PTPN4: variants seen among roughly 807,000 people sequenced by gnomAD.
PTPN4 encodes tyrosine-protein phosphatase non-receptor type 4.
Under a neutral mutation model 135.5 loss-of-function variants are expected in PTPN4, and 49 were observed. The ratio of observed to expected loss-of-function variants is 0.36; its 90% CI spans 0.29 to 0.46. The LOEUF is 0.46. PTPN4 is among the 20% of genes least tolerant of loss of function. PTPN4 has a pLI of 1.00. For missense variants in PTPN4, 860 were observed against 1,101.0 expected (o/e 0.78, Z 3.10); for synonymous variants, 333 against 369.9 (o/e 0.90, Z 1.14).
chr2:119,923,760 A>G (rs1374528268), intron 12 of PTPN4, among the ~76,000 whole-genome samples: 3 of 152,140 alleles, frequency 2.0e-5, no homozygotes, highest in Admixed American at 6.5e-5. Context: ...TATAGAAACA[A>G]TTCTTGACAA....
rs1574375914 is a variant in PTPN4 at position 119,862,471 on chromosome 2, T to C, written c.139-65T>C. On this transcript the variant is annotated intron_variant, in intron 2 of 26. Coordinates refer to ENST00000263708, the MANE Select transcript of PTPN4 (RefSeq NM_002830.4). ...TAGATGAGGACAAAAGTCAACCAGG[T>C]TAAAAAATGTGAAGAATGTAACCTA... 3.4e-6 allele frequency: 5 copies of C among 1,449,570 alleles called. No homozygotes were observed. The East Asian group carries it at 1.1e-4, about 33-fold the overall frequency. 89.8% of individuals were successfully genotyped at this position (1,449,570 alleles called of 1,614,324 possible).
At chr2:119,879,092 G>GA (rs11433216) in intron 5 of PTPN4, among the ~76,000 whole-genome samples, 40,169 of 119,140 alleles carry the variant, frequency 0.34, 5,939 homozygotes, top group African/African-American at 0.4. Context: ...GACTCCGTCT[G>GA]AAAAAAAAAA....
At chr2:119,939,532 C>T (rs528318324) in intron 15 of PTPN4, among the ~76,000 whole-genome samples, 1 of 152,276 alleles carries the variant, frequency 6.6e-6, no homozygotes, top group South Asian at 2.1e-4. Context: ...AACTCCTGGG[C>T]TCTAGTGATC....
intron 9 of PTPN4, among the ~76,000 whole-genome samples, chr2:119,886,918 A>C (rs1274553028): frequency 1.3e-5 from 2 of 151,806 alleles, no homozygotes; most frequent in South Asian, 4.1e-4. Flanking sequence ...TCTGAGTGTT[A>C]CTTGGAAATC....
intron 2 of PTPN4, among the ~76,000 whole-genome samples, chr2:119,840,182 T>G (rs1341370942): frequency 6.6e-6 from 1 of 152,186 alleles, no homozygotes; most frequent in Non-Finnish European, 1.5e-5. Flanking sequence ...TGTGCCATGG[T>G]GGTTTGCTGC....
rs995910447 is a variant in PTPN4 at position 119,873,179 on chromosome 2, TTTG to T, written c.247-4129_247-4127del. On this transcript the variant is annotated intron_variant, in intron 3 of 26. Transcript: ENST00000263708. ...GCTAATTTTTTCTGGGTTTTTTTTT[TTTG>T]TTGTTGTTGTTGTTTTTTTTGTAGA... Among the ~76,000 whole-genome samples, 26 of 151,394 alleles carry T rather than the reference TTTG, an allele frequency of 1.7e-4. No individual in the cohort carries two copies. The East Asian group carries it at 4.5e-3, about 26-fold the overall frequency.
chr2:119,775,650 T>C (rs1690821743), intron 1 of PTPN4, among the ~76,000 whole-genome samples: 2 of 152,166 alleles, frequency 1.3e-5, no homozygotes, highest in South Asian at 4.1e-4. Context: ...GATTACAGTA[T>C]TGAAGATGCC....
At chr2:119,777,981 A>G (rs553849987) in intron 1 of PTPN4, among the ~76,000 whole-genome samples, 1 of 152,280 alleles carries the variant, frequency 6.6e-6, no homozygotes, top group South Asian at 2.1e-4. Context: ...TGAAGGAAGT[A>G]TAAAAACTCT....
At chr2:119,976,083 C>T (rs2105069070) in intron 26 of PTPN4, among the ~76,000 whole-genome samples, 1 of 151,468 alleles carries the variant, frequency 6.6e-6, no homozygotes, top group Non-Finnish European at 1.5e-5. Flanking sequence ...GCAAGCTCCG[C>T]CTCCCAGGTT....
chr2:119,904,529 G>C (rs7573792), intron 10 of PTPN4, among the ~76,000 whole-genome samples: 56 of 151,862 alleles, frequency 3.7e-4, no homozygotes, highest in African/African-American at 1.3e-3. Flanking sequence ...ACGTAGAGAC[G>C]TTAAGATACC....
At chr2:119,965,439 GT>G (rs1679432536) in intron 24 of PTPN4, 57 bp from the exon 25 acceptor site, 1 of 1,483,558 alleles carries the variant, frequency 6.7e-7, no homozygotes, top group African/African-American at 1.4e-5. Context: ...TATGAGGTTT[GT>G]AGGGACAATT....
chr2:119,898,647 T>A (rs1396824514), intron 9 of PTPN4, among the ~76,000 whole-genome samples: 1 of 152,148 alleles, frequency 6.6e-6, no homozygotes, highest in Admixed American at 6.5e-5. Context: ...ACAGTATTAA[T>A]AAGTGATATG....
intron 1 of PTPN4, among the ~76,000 whole-genome samples, chr2:119,804,470 C>T (rs909315295): frequency 1.1e-4 from 17 of 152,238 alleles, no homozygotes; most frequent in African/African-American, 2.2e-4. Flanking sequence ...TGATGTTCCC[C>T]GCCCTGTGTC....
chr2:119,880,664 T>C (rs1210076664), intron 5 of PTPN4, among the ~76,000 whole-genome samples: 1 of 151,676 alleles, frequency 6.6e-6, no homozygotes. Context: ...ATGGTCTCGA[T>C]CTCCTGACCT....
At chr2:119,918,225 T>C (rs1490943487) in intron 11 of PTPN4, among the ~76,000 whole-genome samples, 2 of 152,226 alleles carry the variant, frequency 1.3e-5, no homozygotes, top group South Asian at 2.1e-4. Flanking sequence ...ACTTTATACA[T>C]GGGCATTTAT....
At chr2:119,760,416 C>T (rs1276009927) in intron 1 of PTPN4, 32 bp downstream of exon 1, 4 of 387,568 alleles carry the variant, frequency 1.0e-5, no homozygotes, top group Non-Finnish European at 1.8e-5. Flanking sequence ...GCCGGCCTCT[C>T]GGCCCTGCAC....
At chr2:119,949,432 A>AT (rs1215458370) in intron 18 of PTPN4, among the ~76,000 whole-genome samples, 2 of 152,110 alleles carry the variant, frequency 1.3e-5, no homozygotes, top group African/African-American at 4.8e-5. Context: ...TTTTATTGTC[A>AT]TTTTTTATAT....
intron 2 of PTPN4, among the ~76,000 whole-genome samples, chr2:119,812,858 T>A (rs1574347766): frequency 6.6e-6 from 1 of 152,178 alleles, no homozygotes; most frequent in African/African-American, 2.4e-5. Context: ...TCTATGAGGA[T>A]TTTTACCCCT....
At chr2:119,798,697 A>G (rs1205337953) in intron 1 of PTPN4, among the ~76,000 whole-genome samples, 1 of 152,260 alleles carries the variant, frequency 6.6e-6, no homozygotes, top group Admixed American at 6.5e-5. Flanking sequence ...GTGTTAGTTT[A>G]TGGAAAAATC....
Sources: allele counts gnomAD v4.1 joint callset (sites outside exome capture counted in the v4.1 genomes callset), GRCh38; gene constraint gnomAD v4.1.1; transcripts MANE v1.5; gene names NCBI Gene and HGNC (gene_info 2026-07-23, HGNC 2026-07-21).